CDC27: variants seen among roughly 807,000 people sequenced by gnomAD.
CDC27 encodes cell division cycle 27, also known as cell division cycle protein 27 homolog.
Under a neutral mutation model 109.7 loss-of-function variants are expected in CDC27, and 27 were observed. The ratio of observed to expected loss-of-function variants is 0.25; its 90% CI spans 0.18 to 0.34. CDC27 has a LOEUF of 0.34. Ranked by LOEUF, CDC27 falls within the 10% of genes least tolerant of loss-of-function variation. The pLI is 1.00. For missense variants in CDC27, 579 were observed against 960.2 expected, an observed-to-expected ratio of 0.60 and a Z score of 5.25; for synonymous variants, 266 against 333.9, an observed-to-expected ratio of 0.80 and a Z score of 2.22.
At chr17:47,179,879 T>C (rs1276625721) in intron 2 of CDC27, among the ~76,000 whole-genome samples, 1 of 152,218 alleles carries the variant, frequency 6.6e-6, no homozygotes, top group East Asian at 1.9e-4. Context: ...TTCTAAACCA[T>C]GAATTTACAA....
intron 2 of CDC27, 27 bp downstream of exon 2, chr17:47,181,535 T>C (rs766131376): frequency 1.5e-6 from 2 of 1,296,672 alleles, no homozygotes; most frequent in Non-Finnish European, 1.1e-6. Flanking sequence ...TCATTTATCA[T>C]TCTACAGCAA....
At chr17:47,174,986 AGGAC>A (rs1431115397) in intron 2 of CDC27, among the ~76,000 whole-genome samples, 4 of 119,742 alleles carry the variant, frequency 3.3e-5, no homozygotes, top group Non-Finnish European at 5.8e-5. Context: ...AGGACAGGAC[AGGAC>A]AGGAAAGGAA....
At chr17:47,167,439 C>T (rs1008940192) in intron 4 of CDC27, among the ~76,000 whole-genome samples, 2 of 152,122 alleles carry the variant, frequency 1.3e-5, no homozygotes, top group African/African-American at 4.8e-5. Flanking sequence ...ATCTATTTTC[C>T]TCTGGAAGTC....
At chr17:47,149,212 A>G (rs967825165) in intron 9 of CDC27, among the ~76,000 whole-genome samples, 1 of 151,812 alleles carries the variant, frequency 6.6e-6, no homozygotes, top group African/African-American at 2.4e-5. Context: ...GACTCGTACT[A>G]TAAGAAATGA....
At chr17:47,171,273 T>C (rs951659322) in intron 3 of CDC27, among the ~76,000 whole-genome samples, 2 of 152,232 alleles carry the variant, frequency 1.3e-5, no homozygotes, top group Non-Finnish European at 2.9e-5. Flanking sequence ...ACAGATAATA[T>C]AGTTATTGAT....
chr17:47,157,084 T>A lies in CDC27; in HGVS notation c.671A>T (p.Tyr224Phe), dbSNP rs1376186855. 1 of 1,587,144 alleles carries A rather than the reference T, an allele frequency of 6.3e-7. No individual in the cohort carries two copies. The highest frequency in any genetic ancestry group is 1.8e-5 in the Admixed American group (1 of 56,000). ...CACTGAGGAATCTGTATTCAAGGAG[T>A]ACTTTGAATTGGAAGATTCTAAATT... ...RLNLESSNSK[Y>F]SLNTDSSVSY... Residue 224 changes from tyrosine to phenylalanine, a missense_variant, in exon 7 of 19, where the codon TAC becomes TTC. Around this residue, in one of 9 missense-constraint regions of CDC27, gnomAD observed 57 missense variants for 59.0 expected, o/e 0.97. Coordinates refer to ENST00000066544, the MANE Select transcript of CDC27 (RefSeq NM_001256.6).
At position 47,119,180 on chromosome 17, in the gene CDC27, T is replaced by A. The variant is rs2061933954; in HGVS notation, c.*1755A>T. 6.6e-6 allele frequency: 1 copy of A among 152,220 alleles called. No individual in the cohort carries two copies. Among genetic ancestry groups the A allele is most frequent in the Non-Finnish European group, 1.5e-5 (1 of 68,042 alleles). The allele number at this position is 152,220 out of a possible 1,614,324, so 9.4% of individuals were successfully genotyped here. ...TAATACAATAGCATACGTGTTAGAATCCAAGTGCTAGCCTCTGGGAATTTT... is the reference window on the plus strand; with the variant it reads ...TAATACAATAGCATACGTGTTAGAAACCAAGTGCTAGCCTCTGGGAATTTT... On this transcript the variant is annotated 3_prime_UTR_variant, in exon 19 of 19. Transcript: ENST00000066544.
chr17:47,124,705 C>A (rs781420819), intron 16 of CDC27, among the ~76,000 whole-genome samples: 1 of 152,216 alleles, frequency 6.6e-6, no homozygotes, highest in East Asian at 1.9e-4. Flanking sequence ...TAGATTCTCA[C>A]ATCTATCTGC....
intron 4 of CDC27, among the ~76,000 whole-genome samples, chr17:47,162,255 T>G (rs1366759712): frequency 6.6e-6 from 1 of 152,198 alleles, no homozygotes; most frequent in African/African-American, 2.4e-5. Flanking sequence ...AGTTCCCTCT[T>G]TATTTTCACT....
At chr17:47,165,216 T>A (rs141980406) in intron 4 of CDC27, among the ~76,000 whole-genome samples, 1 of 152,212 alleles carries the variant, frequency 6.6e-6, no homozygotes, top group Non-Finnish European at 1.5e-5. Context: ...TCTATTTACT[T>A]ACTGAATTTT....
At chr17:47,178,100 TTAG>T (rs1466264068) in intron 2 of CDC27, among the ~76,000 whole-genome samples, 1 of 152,114 alleles carries the variant, frequency 6.6e-6, no homozygotes, top group Non-Finnish European at 1.5e-5. Context: ...GATGGTAAAA[TTAG>T]GACAGTTTTT....
chr17:47,128,322 C>A (rs2062212159), intron 16 of CDC27, among the ~76,000 whole-genome samples: 1 of 152,142 alleles, frequency 6.6e-6, no homozygotes, highest in South Asian at 2.1e-4. Flanking sequence ...TGAGCCACTG[C>A]GCCCAGCCCT....
chr17:47,174,675 G>GA (rs1298355346), intron 2 of CDC27, among the ~76,000 whole-genome samples: 1 of 152,144 alleles, frequency 6.6e-6, no homozygotes, highest in African/African-American at 2.4e-5. Flanking sequence ...CTGCTAAAGT[G>GA]AAAAAACAAA....
Position 47,120,691 on chromosome 17 carries a change from T to C in CDC27, c.*244A>G. On this transcript the variant is annotated 3_prime_UTR_variant, in exon 19 of 19. Transcript: ENST00000066544. Reference sequence around the variant, plus strand: ...GATTAAAGAAAAACAGAAAAGAAAGTTCCCCACCCTACCCCCCATAAATTG... The same window carrying C: ...GATTAAAGAAAAACAGAAAAGAAAGCTCCCCACCCTACCCCCCATAAATTG... 1 of 376,628 alleles carries C rather than the reference T, an allele frequency of 2.7e-6. No homozygotes were observed. Among genetic ancestry groups the C allele is most frequent in the Admixed American group, 4.2e-5 (1 of 23,692 alleles). 23.3% of individuals were successfully genotyped at this position (376,628 alleles called of 1,614,324 possible).
At chr17:47,157,450 G>A in intron 5 of CDC27, 66 bp from the exon 6 acceptor site, 1 of 1,246,118 alleles carries the variant, frequency 8.0e-7, no homozygotes, top group Admixed American at 2.1e-5. Flanking sequence ...TTTCAAGTAT[G>A]CATAAATCAG....
intron 4 of CDC27, among the ~76,000 whole-genome samples, chr17:47,166,900 G>T (rs1805064093): frequency 6.6e-6 from 1 of 152,070 alleles, no homozygotes; most frequent in Admixed American, 6.6e-5. Context: ...TGTCACCCAG[G>T]TTGGAGTGCA....
At chr17:47,183,284 T>C (rs551527416) in intron 1 of CDC27, among the ~76,000 whole-genome samples, 4 of 152,198 alleles carry the variant, frequency 2.6e-5, no homozygotes, top group African/African-American at 9.6e-5. Context: ...CTAGCTAACA[T>C]TGTACCAGTA....
At chr17:47,155,388 C>T (rs893616173) in intron 7 of CDC27, among the ~76,000 whole-genome samples, 2 of 152,054 alleles carry the variant, frequency 1.3e-5, no homozygotes, top group African/African-American at 4.8e-5. Context: ...TGGGATTACA[C>T]GTATGTGTCA....
At chr17:47,156,745 G>GC (rs2063319502) in intron 7 of CDC27, 168 bp downstream of exon 7, 1 of 424,970 alleles carries the variant, frequency 2.4e-6, no homozygotes, top group Non-Finnish European at 4.2e-6. Flanking sequence ...ACCGCACCTG[G>GC]CAACATCACT....
Sources: allele counts gnomAD v4.1 joint callset (sites outside exome capture counted in the v4.1 genomes callset), GRCh38; gene constraint gnomAD v4.1.1; regional missense constraint gnomAD v4.1.1; transcripts MANE v1.5; gene names NCBI Gene and HGNC (gene_info 2026-07-23, HGNC 2026-07-21).